MARCHF3: variants seen among roughly 807,000 people sequenced by gnomAD.
The protein encoded by MARCHF3 is E3 ubiquitin-protein ligase MARCHF3.
Under a neutral mutation model 24.2 loss-of-function variants are expected in MARCHF3, and 13 were observed. The observed-to-expected ratio is 0.54, with a 90% CI of 0.35 to 0.85. The LOEUF (loss-of-function observed/expected upper bound fraction) is 0.85. Among genes scored for constraint, MARCHF3 ranks in the 40% least tolerant of loss-of-function variants. MARCHF3 has a pLI of 0.01. For missense variants in MARCHF3, 276 were observed against 325.0 expected (o/e 0.85, Z 1.16); for synonymous variants, 144 against 137.3 (o/e 1.05, Z -0.34).
At chr5:126,959,976 G>A (rs1035241499) in intron 1 of MARCHF3, among the ~76,000 whole-genome samples, 34 of 152,208 alleles carry the variant, frequency 2.2e-4, no homozygotes, top group African/African-American at 7.5e-4. Context: ...TGAGAAAACC[G>A]CAAGAAGAAA....
chr5:126,974,111 A>G (rs1194122493), intron 1 of MARCHF3, among the ~76,000 whole-genome samples: 1 of 150,252 alleles, frequency 6.7e-6, no homozygotes, highest in African/African-American at 2.5e-5. Context: ...TGTTAGCCAG[A>G]TGGTCTCGAT....
chr5:126,902,894 G>T (rs1464652550), intron 3 of MARCHF3, among the ~76,000 whole-genome samples: 1 of 152,098 alleles, frequency 6.6e-6, no homozygotes, highest in African/African-American at 2.4e-5. Flanking sequence ...GTGGAGGCAG[G>T]TGGCCTGAGG....
chr5:126,895,395 T>TA (rs1471362672), intron 3 of MARCHF3, among the ~76,000 whole-genome samples: 18 of 152,148 alleles, frequency 1.2e-4, no homozygotes, highest in Non-Finnish European at 2.2e-4. Flanking sequence ...TCTGCTTTTT[T>TA]AGAGTTTCCA....
chr5:126,878,925 C>A (rs866850002), intron 3 of MARCHF3, among the ~76,000 whole-genome samples: 6 of 152,150 alleles, frequency 3.9e-5, no homozygotes, highest in African/African-American at 1.4e-4. Flanking sequence ...ATGCCAGAGG[C>A]CTTGGGCCCA....
intron 1 of MARCHF3, among the ~76,000 whole-genome samples, chr5:126,989,337 C>CTACTACTACTAA (rs1470245217): frequency 1.4e-5 from 2 of 141,392 alleles, no homozygotes; most frequent in African/African-American, 5.4e-5. Flanking sequence ...ACTACTACTA[C>CTACTACTACTAA]TAATAATAAT....
chr5:126,871,439 G>A (rs1752961453), intron 4 of MARCHF3, among the ~76,000 whole-genome samples: 1 of 152,176 alleles, frequency 6.6e-6, no homozygotes, highest in South Asian at 2.1e-4. Flanking sequence ...CAGGCTAGGT[G>A]GGGCACGACT....
intron 1 of MARCHF3, among the ~76,000 whole-genome samples, chr5:126,961,869 A>G (rs1440066020): frequency 1.3e-5 from 2 of 152,170 alleles, no homozygotes; most frequent in African/African-American, 4.8e-5. Context: ...ACATCCTATA[A>G]TCACACCATT....
intron 1 of MARCHF3, among the ~76,000 whole-genome samples, chr5:126,937,411 G>A (rs994558687): frequency 6.6e-6 from 1 of 152,046 alleles, no homozygotes; most frequent in African/African-American, 2.4e-5. Context: ...TCTTGCTAGA[G>A]AAGACAAATT....
chr5:126,978,786 T>C (rs142637660), intron 1 of MARCHF3, among the ~76,000 whole-genome samples: 3 of 152,322 alleles, frequency 2.0e-5, no homozygotes, highest in African/African-American at 4.8e-5. Context: ...ACTGCTTTTA[T>C]GTACTGTGTG....
chr5:126,992,832 C>T (rs543165393), intron 1 of MARCHF3, among the ~76,000 whole-genome samples: 6 of 133,308 alleles, frequency 4.5e-5, no homozygotes, highest in East Asian at 2.3e-4. Flanking sequence ...AGTGCAGTGG[C>T]GCGATCTCTG....
At chr5:126,930,638 G>A (rs965796234) in intron 1 of MARCHF3, among the ~76,000 whole-genome samples, 2 of 152,234 alleles carry the variant, frequency 1.3e-5, no homozygotes, top group African/African-American at 4.8e-5. Context: ...CCAGCACCAT[G>A]CTGGTGACAC....
intron 4 of MARCHF3, among the ~76,000 whole-genome samples, 182 bp from the exon 5 acceptor site, chr5:126,870,973 A>C (rs1218359007): frequency 1.3e-5 from 2 of 152,232 alleles, no homozygotes; most frequent in East Asian, 3.9e-4. Context: ...GGCACCAGCC[A>C]AAGAGCACCC....
At chr5:126,932,490 TG>T (rs1224125873) in intron 1 of MARCHF3, among the ~76,000 whole-genome samples, 4 of 152,126 alleles carry the variant, frequency 2.6e-5, no homozygotes, top group Non-Finnish European at 5.9e-5. Flanking sequence ...GGGACAGAGG[TG>T]GGCCTCTTGA....
intron 1 of MARCHF3, among the ~76,000 whole-genome samples, chr5:126,933,726 G>A (rs1041231669): frequency 3.9e-5 from 6 of 152,156 alleles, no homozygotes; most frequent in African/African-American, 1.4e-4. Context: ...TTACAGGCAT[G>A]AGCCACTGCA....
rs780921153 is a variant in MARCHF3, at chr5:126,909,801, C to T, written c.393+5129G>A. ...GTTGCTCACGCTGGGAGCTGTAGAC[C>T]GGAGCTGTTCCTATTCTCTGGGCAC... On this transcript the variant is annotated intron_variant, in intron 3 of 4. Transcript: ENST00000308660. Among the ~76,000 whole-genome samples the T allele has an allele frequency of 6.2e-4, 94 of 152,110 alleles. 2 individuals carry two copies. The highest frequency in any genetic ancestry group is 7.3e-5 in the Non-Finnish European group (5 of 68,030).
At chr5:127,006,290 A>G in intron 1 of MARCHF3, among the ~76,000 whole-genome samples, 1 of 152,016 alleles carries the variant, frequency 6.6e-6, no homozygotes, top group Non-Finnish European at 1.5e-5. Flanking sequence ...TTTATCCAGA[A>G]CAGTGTGACC....
At chr5:126,948,931 C>T (rs569873035) in intron 1 of MARCHF3, among the ~76,000 whole-genome samples, 2 of 152,050 alleles carry the variant, frequency 1.3e-5, no homozygotes, top group South Asian at 4.2e-4. Context: ...CCTTTGTCGG[C>T]CTACAGTGGT....
intron 1 of MARCHF3, among the ~76,000 whole-genome samples, chr5:126,920,099 C>T (rs1749053841): frequency 6.6e-6 from 1 of 152,098 alleles, no homozygotes; most frequent in Admixed American, 6.5e-5. Context: ...TGGAAGAGCA[C>T]AAAGAACACA....
intron 1 of MARCHF3, among the ~76,000 whole-genome samples, chr5:126,992,092 G>A (rs1041119840): frequency 2.0e-5 from 3 of 152,050 alleles, no homozygotes; most frequent in Non-Finnish European, 4.4e-5. Flanking sequence ...AGTCGCCCCA[G>A]GATATTCAGT....
Sources: allele counts gnomAD v4.1 joint callset (sites outside exome capture counted in the v4.1 genomes callset), GRCh38; gene constraint gnomAD v4.1.1; transcripts MANE v1.5; gene names NCBI Gene and HGNC (gene_info 2026-07-23, HGNC 2026-07-21).